Variants in ZNF362 observed in about 807,000 individuals in gnomAD.
ZNF362 encodes rotund homolog.
Under a neutral mutation model 42.9 loss-of-function variants are expected in ZNF362, and 11 were observed. That is an observed-to-expected ratio of 0.26 (90% CI 0.16 to 0.42). ZNF362 has a LOEUF of 0.42. Ranked by LOEUF, ZNF362 falls within the 20% of genes least tolerant of loss-of-function variation. ZNF362 has a pLI of 1.00. For synonymous variants in ZNF362, 255 were observed against 257.3 expected (o/e 0.99, Z 0.09); for missense variants, 362 against 576.2 (o/e 0.63, Z 3.81).
chr1:33,227,202 A>G, the ZNF362 span, among the ~76,000 whole-genome samples: 1 of 152,202 alleles, frequency 6.6e-6, no homozygotes, highest in Non-Finnish European at 1.5e-5. Flanking sequence ...TTATATCTCA[A>G]TAAAACTGTT....
intron 1 of ZNF362, among the ~76,000 whole-genome samples, chr1:33,261,046 A>G (rs1645825018): frequency 6.6e-6 from 1 of 152,108 alleles, no homozygotes; most frequent in South Asian, 2.1e-4. Flanking sequence ...TATAAATATT[A>G]ACATATTTAC....
chr1:33,280,472 G>A lies in ZNF362; in HGVS notation c.683+15G>A, dbSNP rs1645985002. 1.3e-6 allele frequency: 2 copies of A among 1,549,916 alleles called. No individual in the cohort carries two copies. The highest frequency in any genetic ancestry group is 1.7e-6 in the Non-Finnish European group (2 of 1,144,438). On this transcript the variant is annotated intron_variant, in intron 5 of 8. Transcript: ENST00000539719. The surrounding 1 kb of genome is among the most constrained non-coding windows in gnomAD (Gnocchi z 5.6). ...AAGACGTACAGGTGGGGGTCTTGGCGGGATGGGGTCCGAGTGGGCTTGGGG... is the reference window on the plus strand; with the variant it reads ...AAGACGTACAGGTGGGGGTCTTGGCAGGATGGGGTCCGAGTGGGCTTGGGG...
chr1:33,244,375 G>T, the ZNF362 span, among the ~76,000 whole-genome samples: 1 of 152,270 alleles, frequency 6.6e-6, no homozygotes, highest in South Asian at 2.1e-4. The surrounding 1 kb of genome is among the most constrained non-coding windows in gnomAD (Gnocchi z 4.0). Flanking sequence ...ACTAACCACC[G>T]GAATGCCCTC....
chr1:33,185,088 C>T, the ZNF362 span, among the ~76,000 whole-genome samples: 2 of 152,114 alleles, frequency 1.3e-5, no homozygotes, highest in African/African-American at 4.8e-5. Flanking sequence ...GCCAATTTTG[C>T]AGCTGTTTTT....
At chr1:33,176,346 C>G in the ZNF362 span, 16 of 653,518 alleles carry the variant, frequency 2.4e-5, no homozygotes, top group Non-Finnish European at 4.6e-5. Context: ...GAACCTAGCC[C>G]CCAGCCCCCT....
the ZNF362 span, chr1:33,159,813 C>T: frequency 6.2e-7 from 1 of 1,613,894 alleles, no homozygotes; most frequent in Non-Finnish European, 8.5e-7. This position sits in a 1 kb window ranked among gnomAD's most constrained non-coding sequence, Gnocchi z 4.2. Flanking sequence ...GGACTTTCTG[C>T]TCGATGTCGG....
chr1:33,291,709 C>T (rs1646079592), intron 6 of ZNF362, among the ~76,000 whole-genome samples: 1 of 152,178 alleles, frequency 6.6e-6, no homozygotes, highest in Non-Finnish European at 1.5e-5. Flanking sequence ...ATGGAATGTT[C>T]TTGCATTTGT....
chr1:33,183,897 A>G, the ZNF362 span, among the ~76,000 whole-genome samples: 1 of 152,210 alleles, frequency 6.6e-6, no homozygotes, highest in African/African-American at 2.4e-5. Context: ...GGTCCATCTT[A>G]TTGCATAAGC....
At chr1:33,226,625 G>A in the ZNF362 span, among the ~76,000 whole-genome samples, 1 of 152,212 alleles carries the variant, frequency 6.6e-6, no homozygotes, top group African/African-American at 2.4e-5. Context: ...AGCATTTTGA[G>A]AGGCTGAGGT....
the ZNF362 span, among the ~76,000 whole-genome samples, chr1:33,169,985 C>T: frequency 6.6e-6 from 1 of 152,166 alleles, no homozygotes; most frequent in Non-Finnish European, 1.5e-5. Flanking sequence ...CACACTTGTA[C>T]CCTGATGGCA....
chr1:33,142,878 C>T, the ZNF362 span: 1 of 151,914 alleles, frequency 6.6e-6, no homozygotes, highest in Admixed American at 6.6e-5. Context: ...TGGGAAGTGA[C>T]GTTTCCCTGC....
chr1:33,214,093 A>C, the ZNF362 span, among the ~76,000 whole-genome samples: 1 of 152,158 alleles, frequency 6.6e-6, no homozygotes, highest in East Asian at 1.9e-4. Flanking sequence ...GAAGCAAATA[A>C]AAAGCATGTA....
At chr1:33,263,202 C>G (rs1570382348) in intron 1 of ZNF362, among the ~76,000 whole-genome samples, 2 of 152,248 alleles carry the variant, frequency 1.3e-5, no homozygotes, top group Non-Finnish European at 2.9e-5. Flanking sequence ...GCATTCACAC[C>G]TGCACCTACA....
the ZNF362 span, among the ~76,000 whole-genome samples, chr1:33,162,145 A>G: frequency 1.3e-5 from 2 of 152,286 alleles, no homozygotes; most frequent in South Asian, 2.1e-4. Context: ...TAAAGTGCCA[A>G]CTGAATCACA....
At chr1:33,140,889 C>T in the ZNF362 span, among the ~76,000 whole-genome samples, 1 of 152,190 alleles carries the variant, frequency 6.6e-6, no homozygotes, top group Non-Finnish European at 1.5e-5. The surrounding 1 kb of genome is among the most constrained non-coding windows in gnomAD (Gnocchi z 4.0). Flanking sequence ...TCCTTCTGCT[C>T]AGGCTCCAGG....
At chr1:33,278,853 C>T (rs956867414) in intron 4 of ZNF362, among the ~76,000 whole-genome samples, 1 of 152,156 alleles carries the variant, frequency 6.6e-6, no homozygotes, top group Non-Finnish European at 1.5e-5. Context: ...TGGACCACAG[C>T]TCTTTACAAA....
chr1:33,247,393 C>T, the ZNF362 span, among the ~76,000 whole-genome samples: 3 of 152,246 alleles, frequency 2.0e-5, no homozygotes, highest in African/African-American at 4.8e-5. Flanking sequence ...TGCAGGGCTG[C>T]GGCTATCTTC....
chr1:33,223,893 C>CAAAAAA, the ZNF362 span, among the ~76,000 whole-genome samples: 1 of 85,438 alleles, frequency 1.2e-5, no homozygotes. Flanking sequence ...AACTCCATCT[C>CAAAAAA]AAAAAAAAAA....
the ZNF362 span, among the ~76,000 whole-genome samples, chr1:33,186,480 T>C: frequency 6.6e-6 from 1 of 151,464 alleles, no homozygotes; most frequent in South Asian, 2.1e-4. Context: ...ATTTATATAT[T>C]AAATAAGGGT....
Sources: gnomAD v4.1 joint callset for allele counts (sites outside exome capture counted in the v4.1 genomes callset) on GRCh38, gnomAD v4.1.1 for gene constraint, Gnocchi (gnomAD v3.1) non-coding constraint, MANE v1.5 for transcripts, NCBI Gene and HGNC (gene_info 2026-07-23, HGNC 2026-07-21) for gene names.